The following DIAPH2 variants were observed in gnomAD, a reference collection of about 807,000 sequenced individuals.
The protein encoded by DIAPH2 is protein diaphanous homolog 2.
A neutral mutation model predicts 92.7 loss-of-function variants in DIAPH2; 35 were observed. The observed-to-expected ratio is 0.38, with a 90% CI of 0.29 to 0.50. The LOEUF (loss-of-function observed/expected upper bound fraction) is 0.50. DIAPH2 is among the 20% of genes least tolerant of loss of function. The pLI is 0.94. For missense variants in DIAPH2, 701 were observed against 819.5 expected, an observed-to-expected ratio of 0.86 and a Z score of 1.77; for synonymous variants, 301 against 280.4, an observed-to-expected ratio of 1.07 and a Z score of -0.73.
At chrX:97,243,765 C>T (rs1358678689) in intron 22 of DIAPH2, among the ~76,000 whole-genome samples, 1 of 111,704 alleles carries the variant, frequency 9.0e-6, no homozygotes, top group Middle Eastern at 4.2e-3. Flanking sequence ...CAAGTCCCTG[C>T]TCTCTTTCTC....
chrX:97,127,182 C>G (rs182474663), intron 21 of DIAPH2, among the ~76,000 whole-genome samples: 41 of 111,669 alleles, frequency 3.7e-4, no homozygotes, highest in African/African-American at 1.3e-3. Context: ...TTCCTTTTGC[C>G]AGAGGATATC....
chrX:97,489,489 G>A (rs2070710925), intron 26 of DIAPH2, among the ~76,000 whole-genome samples: 1 of 110,424 alleles, frequency 9.1e-6, no homozygotes, highest in Admixed American at 9.7e-5. Flanking sequence ...AATATAAATG[G>A]TGAGGGTGGG....
At chrX:97,465,186 C>G (rs2070500000) in intron 26 of DIAPH2, among the ~76,000 whole-genome samples, 2 of 110,798 alleles carry the variant, frequency 1.8e-5, no homozygotes, top group Admixed American at 9.6e-5. Context: ...CACTGTATAC[C>G]AGGGACTTTA....
chrX:97,132,473 C>T (rs2067144270), intron 21 of DIAPH2, among the ~76,000 whole-genome samples: 1 of 111,812 alleles, frequency 8.9e-6, no homozygotes, highest in Admixed American at 9.5e-5. Flanking sequence ...AATACATTAT[C>T]TTTTTCAATG....
chrX:97,424,164 A>G (rs2070038101), intron 25 of DIAPH2, among the ~76,000 whole-genome samples: 1 of 112,496 alleles, frequency 8.9e-6, no homozygotes, highest in Non-Finnish European at 1.9e-5. Flanking sequence ...ACATTTTATG[A>G]AAAATACTCA....
chrX:96,958,924 T>C (rs2065829982), intron 16 of DIAPH2, among the ~76,000 whole-genome samples: 1 of 112,206 alleles, frequency 8.9e-6, no homozygotes, highest in African/African-American at 3.2e-5. Flanking sequence ...GTCTTTTTTA[T>C]AGTTGAATGG....
At chrX:96,903,087 C>G (rs781433316) in intron 5 of DIAPH2, among the ~76,000 whole-genome samples, 9 of 106,587 alleles carry the variant, frequency 8.4e-5, no homozygotes, top group African/African-American at 3.1e-4. Flanking sequence ...GTTGTTCACT[C>G]ATCAAATAGC....
chrX:97,006,528 T>C lies in DIAPH2; in HGVS notation c.2050+41321T>C, dbSNP rs746721790. Among the ~76,000 whole-genome samples the C allele has an allele frequency of 8.9e-5, 10 of 112,444 alleles. No individual in the cohort carries two copies. The South Asian group carries it at 3.7e-3, about 42-fold the overall frequency. On this transcript the variant is annotated intron_variant, in intron 17 of 26. Transcript: ENST00000324765. ...CTGAAATGACTCCTTTAACATTTTATAATGACCTTGTCTCTCTCTTCTTAC... is the reference window on the plus strand; with the variant it reads ...CTGAAATGACTCCTTTAACATTTTACAATGACCTTGTCTCTCTCTTCTTAC...
rs762969824 is a variant in DIAPH2, at chrX:96,884,503, A to G, written c.587+2785A>G. The G allele has an allele frequency of 1.1e-5, 13 of 1,208,693 alleles. No homozygotes were observed. The highest frequency in any genetic ancestry group is 1.5e-5 in the Non-Finnish European group (13 of 894,758). On this transcript the variant is annotated intron_variant, in intron 5 of 26. Coordinates refer to ENST00000324765, the MANE Select transcript of DIAPH2 (RefSeq NM_006729.5). ...CTCTACTGTGTTTGACCCTGTGTTCAAGGTTAGGGGAATTATAGTTTCCCA... is the reference window on the plus strand; with the variant it reads ...CTCTACTGTGTTTGACCCTGTGTTCGAGGTTAGGGGAATTATAGTTTCCCA...
chrX:97,412,160 A>C (rs915895007), intron 25 of DIAPH2, among the ~76,000 whole-genome samples: 5 of 111,589 alleles, frequency 4.5e-5, no homozygotes, highest in African/African-American at 6.5e-5. Context: ...GAAGTAAAGC[A>C]CTCCTCAGCA....
chrX:97,532,155 T>C, intron 26 of DIAPH2, among the ~76,000 whole-genome samples: 1 of 112,774 alleles, frequency 8.9e-6, no homozygotes, highest in Non-Finnish European at 1.9e-5. Context: ...TACGACTATT[T>C]GGGTACATTG....
chrX:96,780,296 GA>G (rs1479421735), intron 4 of DIAPH2, among the ~76,000 whole-genome samples: 1 of 110,793 alleles, frequency 9.0e-6, no homozygotes, highest in Admixed American at 9.6e-5. Flanking sequence ...TAATATGCTT[GA>G]AAAAATGTTT....
chrX:97,031,229 G>A (rs2066371634), intron 17 of DIAPH2, among the ~76,000 whole-genome samples: 1 of 107,599 alleles, frequency 9.3e-6, no homozygotes, highest in East Asian at 2.9e-4. Flanking sequence ...AGCCATTTAT[G>A]TATGGAGGCC....
chrX:96,729,504 C>T (rs1302524452), intron 1 of DIAPH2, among the ~76,000 whole-genome samples: 1 of 111,609 alleles, frequency 9.0e-6, no homozygotes, highest in African/African-American at 3.3e-5. Flanking sequence ...GCTATAGTCA[C>T]CCCTCCTGGC....
chrX:97,412,106 CTCAGCACCACA>C (rs1251456204), intron 25 of DIAPH2, among the ~76,000 whole-genome samples: 1 of 112,052 alleles, frequency 8.9e-6, no homozygotes, highest in Non-Finnish European at 1.9e-5. Context: ...ATGCATTCTT[CTCAGCACCACA>C]TCACACTTAT....
intron 26 of DIAPH2, among the ~76,000 whole-genome samples, chrX:97,479,560 C>A (rs2070635894): frequency 8.9e-6 from 1 of 111,782 alleles, no homozygotes; most frequent in Non-Finnish European, 1.9e-5. Context: ...TCATTTGTTT[C>A]CCTTGCATGT....
Position 97,588,377 on chromosome X carries a change from C to G in DIAPH2, c.3242-10876C>G, listed in dbSNP as rs145192905. ...AGTGCTAAGACTTCCCTTTCCACCCCACACTGCCTGCACTAGGAAGGGAAA... is the reference window on the plus strand; with the variant it reads ...AGTGCTAAGACTTCCCTTTCCACCCGACACTGCCTGCACTAGGAAGGGAAA... On this transcript the variant is annotated intron_variant, in intron 26 of 26. Transcript: ENST00000324765. Among the ~76,000 whole-genome samples the G allele has an allele frequency of 4.3e-3, 480 of 111,432 alleles. 3 individuals are homozygous for G. Among genetic ancestry groups the G allele is most frequent in the Middle Eastern group, 0.028 (6 of 215 alleles).
chrX:96,959,850 C>T (rs2065835791), intron 16 of DIAPH2, among the ~76,000 whole-genome samples: 1 of 111,454 alleles, frequency 9.0e-6, no homozygotes, highest in Admixed American at 9.5e-5. Flanking sequence ...TCCAGTTTTC[C>T]TATCATCATT....
At chrX:97,314,178 G>A (rs1169347861) in intron 23 of DIAPH2, among the ~76,000 whole-genome samples, 1 of 107,107 alleles carries the variant, frequency 9.3e-6, no homozygotes, top group Non-Finnish European at 1.9e-5. Context: ...AGTGGCTGAG[G>A]TGGGAAGATC....
Sources: allele counts gnomAD v4.1 joint callset (sites outside exome capture counted in the v4.1 genomes callset), GRCh38; gene constraint gnomAD v4.1.1; transcripts MANE v1.5; gene names NCBI Gene and HGNC (gene_info 2026-07-23, HGNC 2026-07-21).